The following KCNMB2 variants were observed in gnomAD, a reference collection of about 807,000 sequenced individuals.
KCNMB2 encodes potassium calcium-activated channel subfamily M regulatory beta subunit 2, also known as calcium-activated potassium channel subunit beta-2.
In KCNMB2, 9 loss-of-function variants were observed where a neutral mutation model predicts 24.5. The observed-to-expected ratio is 0.37, with a 90% CI of 0.22 to 0.64. The LOEUF (loss-of-function observed/expected upper bound fraction) is 0.64, where lower values mean the gene tolerates loss of function less well. Among genes scored for constraint, KCNMB2 ranks in the 30% least tolerant of loss-of-function variants. KCNMB2 has a pLI of 0.63. For missense variants in KCNMB2, 226 were observed against 284.3 expected, an observed-to-expected ratio of 0.79 and a Z score of 1.47; for synonymous variants, 109 against 104.4, an observed-to-expected ratio of 1.04 and a Z score of -0.27.
intron 1 of KCNMB2, among the ~76,000 whole-genome samples, chr3:178,686,262 G>C (rs1016825200): frequency 1.3e-5 from 2 of 152,182 alleles, no homozygotes; most frequent in East Asian, 3.8e-4. Flanking sequence ...TGGCATGGGA[G>C]ACTTCATAAA....
Position 178,573,400 on chromosome 3 carries a change from A to C in KCNMB2, c.-68+36689A>C, listed in dbSNP as rs932239110. On this transcript the variant is annotated intron_variant, in intron 1 of 4. Coordinates refer to ENST00000452583, the MANE Select transcript of KCNMB2 (RefSeq NM_181361.3). ...AATAAGTGCAACCAGAGTTTCTGGA[A>C]TTGTTTTACGTTCAGTCTTAAAGCC... is the stretch of plus-strand genomic sequence containing the variant. Among the ~76,000 whole-genome samples, 38 of 152,054 alleles carry C rather than the reference A, an allele frequency of 2.5e-4. 1 individual carries two copies. Among genetic ancestry groups the C allele is most frequent in the Non-Finnish European group, 4.4e-5 (3 of 68,024 alleles).
rs752741638 is a variant in KCNMB2, at chr3:178,842,663, T to C, written c.434T>C (p.Ile145Thr). 5 of 1,604,686 alleles carry C rather than the reference T, an allele frequency of 3.1e-6. No homozygotes were observed. The African/African-American group carries it at 4.0e-5, about 13-fold the overall frequency. ...TCTTATTCTCCACAGTGCTCCTATA[T>C]ACCTAAATGTGGAAAAAATTTTGAA... ...TIKINQKCSY[I>T]PKCGKNFEES... Residue 145 changes from isoleucine to threonine, a missense_variant, in exon 5 of 5, where the codon ATA becomes ACA. By Grantham distance (89) the Ile-to-Thr change is moderately conservative. Coordinates refer to ENST00000452583, the MANE Select transcript of KCNMB2 (RefSeq NM_181361.3).
intron 1 of KCNMB2, among the ~76,000 whole-genome samples, chr3:178,543,532 G>C (rs920387846): frequency 2.6e-5 from 4 of 152,122 alleles, no homozygotes. Flanking sequence ...GAATCCAAAG[G>C]GTGTTTCATT....
At chr3:178,697,146 C>T (rs1306220887) in intron 1 of KCNMB2, among the ~76,000 whole-genome samples, 4 of 152,024 alleles carry the variant, frequency 2.6e-5, no homozygotes, top group Non-Finnish European at 1.5e-5. Context: ...GAGTTCAGGT[C>T]CTGAATACCT....
intron 1 of KCNMB2, among the ~76,000 whole-genome samples, chr3:178,569,999 A>G (rs1340754448): frequency 6.6e-6 from 1 of 151,640 alleles, no homozygotes; most frequent in African/African-American, 2.4e-5. Flanking sequence ...TTATTTCTCT[A>G]CTCCTGGCAC....
At chr3:178,839,848 G>C (rs1715364130) in intron 4 of KCNMB2, among the ~76,000 whole-genome samples, 1 of 152,138 alleles carries the variant, frequency 6.6e-6, no homozygotes, top group Non-Finnish European at 1.5e-5. Flanking sequence ...TGGAGACACA[G>C]AGCCAAACCA....
At chr3:178,824,141 C>T (rs1714740017) in intron 2 of KCNMB2, among the ~76,000 whole-genome samples, 1 of 152,192 alleles carries the variant, frequency 6.6e-6, no homozygotes, top group African/African-American at 2.4e-5. Flanking sequence ...TCTCCCCAAG[C>T]ACCCAGCACT....
At chr3:178,625,642 A>G (rs933713390) in intron 1 of KCNMB2, among the ~76,000 whole-genome samples, 1 of 152,170 alleles carries the variant, frequency 6.6e-6, no homozygotes, top group Non-Finnish European at 1.5e-5. Flanking sequence ...ATAGGGAAGA[A>G]AAGATGAGTC....
At chr3:178,591,127 G>C (rs919493181) in intron 1 of KCNMB2, among the ~76,000 whole-genome samples, 3 of 152,066 alleles carry the variant, frequency 2.0e-5, no homozygotes, top group African/African-American at 7.2e-5. Context: ...CATTTTGGTA[G>C]GTCTTTATTT....
chr3:178,754,729 G>A (rs76477601), intron 1 of KCNMB2, among the ~76,000 whole-genome samples: 23,184 of 152,144 alleles, frequency 0.15, 1,973 homozygotes, highest in Admixed American at 0.19. Flanking sequence ...GCATGAAGGC[G>A]AAGTGACTTG....
intron 2 of KCNMB2, among the ~76,000 whole-genome samples, chr3:178,819,202 G>A (rs563429413): frequency 1.3e-5 from 2 of 152,168 alleles, no homozygotes; most frequent in Non-Finnish European, 1.5e-5. Context: ...AAAAAGTAAT[G>A]GCCAATGTGC....
chr3:178,669,345 GA>G, intron 1 of KCNMB2, among the ~76,000 whole-genome samples: 1 of 152,156 alleles, frequency 6.6e-6, no homozygotes, highest in Middle Eastern at 3.4e-3. Flanking sequence ...TTTCATCAGT[GA>G]AAATAATTAA....
chr3:178,840,350 G>C (rs1428837058), intron 4 of KCNMB2, among the ~76,000 whole-genome samples: 4 of 152,158 alleles, frequency 2.6e-5, no homozygotes, highest in African/African-American at 9.7e-5. Context: ...GCTTTTCTAG[G>C]CACACAGTGC....
chr3:178,806,952 A>T (rs958090917), intron 1 of KCNMB2, among the ~76,000 whole-genome samples: 2 of 152,200 alleles, frequency 1.3e-5, no homozygotes, highest in African/African-American at 2.4e-5. Flanking sequence ...AGGAAAGAAG[A>T]AGTTGAGTTT....
chr3:178,589,536 T>C (rs1717585927), intron 1 of KCNMB2, among the ~76,000 whole-genome samples: 1 of 152,142 alleles, frequency 6.6e-6, no homozygotes, highest in Non-Finnish European at 1.5e-5. Flanking sequence ...TATAATGCAG[T>C]AGTGCAATCA....
In KCNMB2 at chr3:178,630,372, C is replaced by T. The variant is rs191951347; in HGVS notation, c.-68+93661C>T. 3.0e-4 allele frequency among the ~76,000 whole-genome samples: 46 copies of T among 152,338 alleles called. No homozygotes were observed. The East Asian group carries it at 7.3e-3, about 24-fold the overall frequency. On this transcript the variant is annotated intron_variant, in intron 1 of 4. Coordinates refer to ENST00000452583, the MANE Select transcript of KCNMB2 (RefSeq NM_181361.3). ...AAAATAAGTGTTCCAGCATCTCCTC[C>T]CAACGGGACTGCCACCAGTAAGCTG... is the stretch of plus-strand genomic sequence containing the variant.
At chr3:178,567,415 A>T (rs1716566024) in intron 1 of KCNMB2, among the ~76,000 whole-genome samples, 1 of 152,174 alleles carries the variant, frequency 6.6e-6, no homozygotes, top group Admixed American at 6.5e-5. Flanking sequence ...AGTGGCTTAG[A>T]GAAGGTATTC....
chr3:178,778,458 A>ACACACGCACG (rs1194364274), intron 1 of KCNMB2, among the ~76,000 whole-genome samples: 1 of 37,048 alleles, frequency 2.7e-5, no homozygotes, highest in South Asian at 9.3e-4. Flanking sequence ...CCTTTAAGAC[A>ACACACGCACG]CACACACACA....
intron 1 of KCNMB2, among the ~76,000 whole-genome samples, chr3:178,625,163 G>A (rs1479078844): frequency 2.0e-5 from 3 of 152,192 alleles, no homozygotes; most frequent in South Asian, 2.1e-4. Context: ...CACAGTCCCA[G>A]GAGCCAGGGG....
Sources: gnomAD v4.1 joint callset for allele counts (sites outside exome capture counted in the v4.1 genomes callset) on GRCh38, gnomAD v4.1.1 for gene constraint, MANE v1.5 for transcripts, NCBI Gene and HGNC (gene_info 2026-07-23, HGNC 2026-07-21) for gene names.